Variants in CDH4 observed in about 807,000 individuals in gnomAD.
CDH4 encodes the protein cadherin-4.
A neutral mutation model predicts 86.0 loss-of-function variants in CDH4; 33 were observed. The ratio of observed to expected loss-of-function variants is 0.38; its 90% CI spans 0.29 to 0.51. CDH4 has a LOEUF of 0.51. Among genes scored for constraint, CDH4 ranks in the 20% least tolerant of loss-of-function variants. CDH4 has a pLI of 0.86. For missense variants in CDH4, 1,114 were observed against 1,307.4 expected, an observed-to-expected ratio of 0.85 and a Z score of 2.28; for synonymous variants, 555 against 549.4, an observed-to-expected ratio of 1.01 and a Z score of -0.14.
chr20:61,376,913 A>C (rs1167264453), intron 2 of CDH4, among the ~76,000 whole-genome samples: 1 of 152,114 alleles, frequency 6.6e-6, no homozygotes, highest in Non-Finnish European at 1.5e-5. Flanking sequence ...CAGCCTTCCT[A>C]GGTGGTTCTG....
chr20:61,337,654 G>A (rs1024337728), intron 2 of CDH4, among the ~76,000 whole-genome samples: 3 of 152,174 alleles, frequency 2.0e-5, no homozygotes, highest in Middle Eastern at 3.4e-3. Flanking sequence ...CCCTGTGAGT[G>A]CATCAACCTC....
chr20:61,874,019 A>T, intron 7 of CDH4, 119 bp downstream of exon 7: 34 of 1,045,346 alleles, frequency 3.3e-5, no homozygotes, highest in Non-Finnish European at 4.6e-5. Flanking sequence ...CAGTCTCCCC[A>T]GTGGCACTCT....
rs111783435 is a variant in CDH4, at chr20:61,925,047, G to C, written c.1771+571G>C. 2.2e-3 allele frequency among the ~76,000 whole-genome samples: 333 copies of C among 152,330 alleles called. 2 individuals are homozygous for C. Among genetic ancestry groups the C allele is most frequent in the African/African-American group, 7.8e-3 (325 of 41,572 alleles). ...CCTGTGGCCCTTAGTCACAGCAGGA[G>C]GCATGAGACCCTCCAGGGCCCTGGG... On this transcript the variant is annotated intron_variant, in intron 11 of 15. Coordinates refer to ENST00000614565, the MANE Select transcript of CDH4 (RefSeq NM_001794.5).
intron 9 of CDH4, among the ~76,000 whole-genome samples, chr20:61,921,302 T>C (rs1446372319): frequency 6.6e-6 from 1 of 152,202 alleles, no homozygotes; most frequent in Non-Finnish European, 1.5e-5. Context: ...AAGCGTGGTG[T>C]CATGGTGATT....
At chr20:61,933,840 C>T (rs552990704) in intron 14 of CDH4, among the ~76,000 whole-genome samples, 11 of 152,328 alleles carry the variant, frequency 7.2e-5, no homozygotes, top group Admixed American at 1.3e-4. Context: ...CAAGAACAGC[C>T]CCTATCCCTG....
At chr20:61,919,090 C>T (rs939290743) in intron 9 of CDH4, among the ~76,000 whole-genome samples, 10 of 152,278 alleles carry the variant, frequency 6.6e-5, no homozygotes, top group Admixed American at 1.3e-4. Context: ...AGGCTGCTCT[C>T]GAACTCCTAG....
chr20:61,557,651 G>A (rs142462293), intron 2 of CDH4, among the ~76,000 whole-genome samples: 38 of 152,268 alleles, frequency 2.5e-4, no homozygotes, highest in Non-Finnish European at 4.0e-4. Flanking sequence ...GCTCCAAATC[G>A]CATCTTTGTG....
chr20:61,312,935 C>T (rs113446717), intron 2 of CDH4, among the ~76,000 whole-genome samples: 13 of 152,238 alleles, frequency 8.5e-5, no homozygotes, highest in Non-Finnish European at 1.8e-4. Context: ...CTCGGCAGGT[C>T]CTCTCCCTCG....
At chr20:61,324,348 C>T (rs887225922) in intron 2 of CDH4, among the ~76,000 whole-genome samples, 4 of 152,210 alleles carry the variant, frequency 2.6e-5, no homozygotes, top group African/African-American at 9.7e-5. Flanking sequence ...GGGCTTAAAA[C>T]AACAGATCTC....
At chr20:61,818,408 G>A (rs1433836417) in intron 4 of CDH4, among the ~76,000 whole-genome samples, 1 of 152,130 alleles carries the variant, frequency 6.6e-6, no homozygotes, top group African/African-American at 2.4e-5. Context: ...TGGGTGTGGT[G>A]GCCCATCCTG....
At chr20:61,831,508 C>T (rs756032458) in intron 4 of CDH4, among the ~76,000 whole-genome samples, 1 of 152,268 alleles carries the variant, frequency 6.6e-6, no homozygotes, top group East Asian at 1.9e-4. Flanking sequence ...CCTGACACCC[C>T]GAATGCGCTA....
chr20:61,440,728 C>T (rs777255529), intron 2 of CDH4, among the ~76,000 whole-genome samples: 3 of 152,204 alleles, frequency 2.0e-5, no homozygotes, highest in African/African-American at 4.8e-5. Context: ...CTTCTCGGCC[C>T]GTGGCGGGCG....
At chr20:61,419,512 TC>T (rs1317518462) in intron 2 of CDH4, among the ~76,000 whole-genome samples, 1 of 152,150 alleles carries the variant, frequency 6.6e-6, no homozygotes, top group Non-Finnish European at 1.5e-5. Context: ...AGCTTTCCAG[TC>T]GGCTGGTGCA....
At chr20:61,730,138 A>G (rs928132549) in intron 2 of CDH4, among the ~76,000 whole-genome samples, 1 of 152,016 alleles carries the variant, frequency 6.6e-6, no homozygotes, top group African/African-American at 2.4e-5. Flanking sequence ...GAAAAATAAC[A>G]TGTCAGTACC....
At chr20:61,343,201 G>C (rs1243845870) in intron 2 of CDH4, among the ~76,000 whole-genome samples, 1 of 152,202 alleles carries the variant, frequency 6.6e-6, no homozygotes, top group Admixed American at 6.5e-5. Context: ...AATATGTTCT[G>C]TTTCTGAAGA....
intron 2 of CDH4, among the ~76,000 whole-genome samples, chr20:61,638,881 C>T (rs769366385): frequency 2.6e-5 from 4 of 152,126 alleles, no homozygotes; most frequent in African/African-American, 7.2e-5. Flanking sequence ...CTTCAGATTC[C>T]GCACAGTGTA....
chr20:61,267,455 C>T (rs1373149793), intron 2 of CDH4, among the ~76,000 whole-genome samples: 4 of 152,264 alleles, frequency 2.6e-5, no homozygotes, highest in Non-Finnish European at 2.9e-5. Context: ...CTCAGGTGGG[C>T]GGCTTGAAAC....
chr20:61,599,743 C>T, intron 2 of CDH4: 9 of 967,108 alleles, frequency 9.3e-6, no homozygotes, highest in South Asian at 4.8e-5. Flanking sequence ...CCTCCTGACG[C>T]GGCTCTGCCT....
chr20:61,666,823 G>A (rs1185524114), intron 2 of CDH4, among the ~76,000 whole-genome samples: 2 of 152,220 alleles, frequency 1.3e-5, no homozygotes, highest in South Asian at 2.1e-4. Flanking sequence ...GTCAGGAAAG[G>A]GTGAAAGAGG....
Sources: gnomAD v4.1 joint callset for allele counts (sites outside exome capture counted in the v4.1 genomes callset) on GRCh38, gnomAD v4.1.1 for gene constraint, MANE v1.5 for transcripts, NCBI Gene and HGNC (gene_info 2026-07-23, HGNC 2026-07-21) for gene names.